The following ARFGEF1 variants were observed in gnomAD, a reference collection of about 807,000 sequenced individuals.
The protein encoded by ARFGEF1 is ARF guanine nucleotide exchange factor 1.
ARFGEF1 carries 42 observed loss-of-function variants against 231.0 expected under a neutral mutation model. That is an observed-to-expected ratio of 0.18 (90% CI 0.14 to 0.24). The LOEUF (loss-of-function observed/expected upper bound fraction) is 0.24, where lower values mean the gene tolerates loss of function less well. Ranked by LOEUF, ARFGEF1 falls within the 10% of genes least tolerant of loss-of-function variation. The pLI is 1.00. For missense variants in ARFGEF1, 1,345 were observed against 2,192.0 expected (o/e 0.61, Z 7.72); for synonymous variants, 710 against 732.3 (o/e 0.97, Z 0.49).
rs200961310 is a variant in ARFGEF1, at chr8:67,177,758, T to C, written c.561-2186A>G. The C allele has an allele frequency of 1.1e-4, 161 of 1,518,534 alleles. No individual in the cohort carries two copies. The African/African-American group carries it at 1.9e-3, about 18-fold the overall frequency. The allele number at this position is 1,518,534 out of a possible 1,614,324, so 94.1% of individuals were successfully genotyped here. A position where few individuals can be genotyped will look rare whatever the true frequency, so the allele number is the denominator to read the frequency against. On this transcript the variant is annotated intron_variant, in intron 5 of 5. Transcript: ENST00000518789. ...AACCAGTTACAATTTTTCAAGTTAG[T>C]TTTTGGGGGATTAAAAATCTTTAGG...
chr8:67,209,934 C>T (rs535205347), intron 34 of ARFGEF1, among the ~76,000 whole-genome samples: 20 of 151,712 alleles, frequency 1.3e-4, no homozygotes, highest in Non-Finnish European at 2.5e-4. Flanking sequence ...GGGTGGATCA[C>T]GAGGTCAGGA....
At chr8:67,292,378 T>C (rs573901711) in intron 5 of ARFGEF1, among the ~76,000 whole-genome samples, 2 of 152,280 alleles carry the variant, frequency 1.3e-5, no homozygotes, top group Admixed American at 1.3e-4. Context: ...ATTTGGTGTT[T>C]GTGTGGATGA....
At chr8:67,321,990 A>T (rs1208319883) in intron 1 of ARFGEF1, among the ~76,000 whole-genome samples, 1 of 152,196 alleles carries the variant, frequency 6.6e-6, no homozygotes, top group East Asian at 1.9e-4. Context: ...CCTTCCTTGC[A>T]TTCCACACTC....
At chr8:67,303,610 C>A (rs1413819704) in intron 1 of ARFGEF1, among the ~76,000 whole-genome samples, 5 of 151,728 alleles carry the variant, frequency 3.3e-5, no homozygotes, top group Non-Finnish European at 5.9e-5. Context: ...GCTACTCGGA[C>A]GGCTGAGGCA....
At chr8:67,199,668 T>C (rs1219379333) in intron 38 of ARFGEF1, 1 of 155,362 alleles carries the variant, frequency 6.4e-6, no homozygotes, top group African/African-American at 2.4e-5. Context: ...GTGAGACATA[T>C]TATGACCAAA....
At chr8:67,187,264 CA>C in intron 5 of ARFGEF1, among the ~76,000 whole-genome samples, 1 of 152,214 alleles carries the variant, frequency 6.6e-6, no homozygotes, top group East Asian at 1.9e-4. Flanking sequence ...ATAGCCAGCA[CA>C]ATGTTTAAAG....
In ARFGEF1 at chr8:67,335,175, G is replaced by A. The variant is rs372154594; in HGVS notation, c.124+7989C>T. ...GGCTGGAGTGCAGTGGCGCAATCTC[G>A]GCTCACTGCAAGCTCCGCCTCCCGG... On this transcript the variant is annotated intron_variant, in intron 1 of 38. Transcript: ENST00000262215. Among the ~76,000 whole-genome samples the A allele has an allele frequency of 7.5e-4, 109 of 144,536 alleles. 1 individual carries two copies. Among genetic ancestry groups the A allele is most frequent in the African/African-American group, 2.4e-3 (93 of 38,666 alleles). 94.8% of individuals were successfully genotyped at this position (144,536 alleles called of 152,430 possible). A position where few individuals can be genotyped will look rare whatever the true frequency, so the allele number is the denominator to read the frequency against.
At chr8:67,194,533 C>T (rs1414136926), downstream of ARFGEF1, among the ~76,000 whole-genome samples, 1 of 151,956 alleles carries the variant, frequency 6.6e-6, no homozygotes, top group Non-Finnish European at 1.5e-5. Context: ...TAATATTTAA[C>T]AGGAATATAT....
rs1400362873 is a variant in ARFGEF1, at chr8:67,302,904, CT to C, written c.125-439del. On this transcript the variant is annotated intron_variant, in intron 1 of 38. Transcript: ENST00000262215. ...AGCCTGGGCAACAAAGACCCCATCT[CT>C]TAAAAAAAAAAAAAAAAAAAAAAAA... Among the ~76,000 whole-genome samples, 227 of 88,946 alleles carry C rather than the reference CT, an allele frequency of 2.6e-3. 2 individuals are homozygous for C. Among genetic ancestry groups the C allele is most frequent in the African/African-American group, 9.3e-3 (212 of 22,694 alleles). 58.4% of individuals were successfully genotyped at this position (88,946 alleles called of 152,430 possible).
At chr8:67,239,135 T>C (rs1212519009) in intron 20 of ARFGEF1, among the ~76,000 whole-genome samples, 1 of 151,860 alleles carries the variant, frequency 6.6e-6, no homozygotes, top group Non-Finnish European at 1.5e-5. Flanking sequence ...GCCTCCCGAG[T>C]AGCTGGGATT....
chr8:67,271,292 T>C (rs1193085719), intron 10 of ARFGEF1, among the ~76,000 whole-genome samples: 2 of 152,078 alleles, frequency 1.3e-5, no homozygotes, highest in Non-Finnish European at 2.9e-5. Flanking sequence ...CTCAATCACA[T>C]CTTTTAAAAT....
chr8:67,292,315 T>A (rs111650975), intron 5 of ARFGEF1, among the ~76,000 whole-genome samples, 192 bp from the exon 6 acceptor site: 1 of 152,122 alleles, frequency 6.6e-6, no homozygotes, highest in African/African-American at 2.4e-5. Flanking sequence ...TGGCTGGAAA[T>A]TGGCACATAA....
At chr8:67,321,427 T>C (rs1016492397) in intron 1 of ARFGEF1, among the ~76,000 whole-genome samples, 6 of 152,142 alleles carry the variant, frequency 3.9e-5, no homozygotes, top group Non-Finnish European at 8.8e-5. Flanking sequence ...TGTATTTGTA[T>C]AGCCAAGGAT....
At chr8:67,278,919 C>T (rs929851594) in intron 7 of ARFGEF1, among the ~76,000 whole-genome samples, 1 of 151,922 alleles carries the variant, frequency 6.6e-6, no homozygotes, top group African/African-American at 2.4e-5. Flanking sequence ...CTTCAATATG[C>T]TAATGTTTGA....
chr8:67,276,154 G>A (rs750662261), intron 8 of ARFGEF1, 45 bp from the exon 9 acceptor site: 1 of 1,602,342 alleles, frequency 6.2e-7, no homozygotes, highest in East Asian at 2.2e-5. Flanking sequence ...ATATTTGCCA[G>A]TGTAAAATCG....
intron 6 of ARFGEF1, 69 bp from the exon 7 acceptor site, chr8:67,288,134 G>T: frequency 2.0e-6 from 2 of 977,950 alleles, no homozygotes; most frequent in Non-Finnish European, 3.0e-6. Context: ...AAACATTTAT[G>T]ATGAAAAAAC....
chr8:67,268,302 TG>T (rs1164270808), intron 10 of ARFGEF1, among the ~76,000 whole-genome samples: 17 of 152,194 alleles, frequency 1.1e-4, no homozygotes, highest in Admixed American at 1.1e-3. Context: ...AAGACAGTAA[TG>T]ACCAGGTCTT....
Position 67,203,145 on chromosome 8 carries a change from G to A in ARFGEF1, c.5066C>T (p.Ser1689Leu). 6.2e-7 allele frequency: 1 copy of A among 1,614,156 alleles called. No individual in the cohort carries two copies. The highest frequency in any genetic ancestry group is 8.5e-7 in the Non-Finnish European group (1 of 1,180,020). Residue 1689 changes from serine (S) to leucine (L), a missense_variant, in exon 36 of 39, where the codon TCA (serine) becomes TTA (leucine). This residue lies in a region of ARFGEF1 where 161 missense variants were observed against 284.9 expected (regional missense o/e 0.57). Coordinates refer to ENST00000262215, the MANE Select transcript of ARFGEF1 (RefSeq NM_006421.5). ...ATTAAACGCTTTTGCAAATCTATGT[G>A]ACTCTAATAAGCAGTCCAGTAGCTT... is the stretch of plus-strand genomic sequence containing the variant. Reference protein sequence around the residue: ...LFKLLDCLLESHRFAKAFNSN... With the variant: ...LFKLLDCLLELHRFAKAFNSN...
intron 22 of ARFGEF1, among the ~76,000 whole-genome samples, chr8:67,237,529 C>A (rs1200081359): frequency 6.6e-6 from 1 of 152,084 alleles, no homozygotes; most frequent in East Asian, 1.9e-4. Context: ...TAGAAGATTC[C>A]TGCTCTAAGT....
Sources: gnomAD v4.1 joint callset for allele counts (sites outside exome capture counted in the v4.1 genomes callset) on GRCh38, gnomAD v4.1.1 for gene constraint, gnomAD v4.1.1 regional missense constraint, MANE v1.5 for transcripts, NCBI Gene and HGNC (gene_info 2026-07-23, HGNC 2026-07-21) for gene names.